The following LAT2 variants were observed in gnomAD, a reference collection of about 807,000 sequenced individuals.
LAT2 encodes linker for activation of T-cells family member 2.
Under a neutral mutation model 43.4 loss-of-function variants are expected in LAT2, and 23 were observed. The ratio of observed to expected loss-of-function variants is 0.53; its 90% CI spans 0.38 to 0.75. LAT2 has a LOEUF of 0.75. Ranked by LOEUF, LAT2 falls within the 30% of genes least tolerant of loss-of-function variation. LAT2 has a pLI of 0.00. For synonymous variants in LAT2, 128 were observed against 123.2 expected, an observed-to-expected ratio of 1.04 and a Z score of -0.26; for missense variants, 284 against 310.2, an observed-to-expected ratio of 0.92 and a Z score of 0.64.
chr7:74,217,638 C>T (rs1224189441), intron 4 of LAT2, among the ~76,000 whole-genome samples: 1 of 152,100 alleles, frequency 6.6e-6, no homozygotes, highest in Non-Finnish European at 1.5e-5. Context: ...GTGGGCAAGT[C>T]CCTCGGGGGA....
chr7:74,212,600 T>C (rs1415904209), intron 1 of LAT2, among the ~76,000 whole-genome samples: 1 of 152,138 alleles, frequency 6.6e-6, no homozygotes, highest in African/African-American at 2.4e-5. Flanking sequence ...ATGAGAAAAC[T>C]GAGGCGGGGG....
chr7:74,212,877 C>T (rs911497955), intron 1 of LAT2, among the ~76,000 whole-genome samples: 1 of 152,290 alleles, frequency 6.6e-6, no homozygotes, highest in South Asian at 2.1e-4. Context: ...TTCACTTGTT[C>T]CCACTGACTC....
intron 11 of LAT2, 26 bp from the exon 12 acceptor site, chr7:74,223,992 G>T: frequency 1.2e-6 from 2 of 1,608,068 alleles, no homozygotes; most frequent in East Asian, 4.5e-5. Flanking sequence ...ACTGAGCCAA[G>T]GGGGGCCTAT....
At chr7:74,214,377 A>AATATATATATATATATGAAC (rs372490464) in intron 1 of LAT2, among the ~76,000 whole-genome samples, 1 of 43,420 alleles carries the variant, frequency 2.3e-5, no homozygotes, top group Non-Finnish European at 4.0e-5. Context: ...TATATATGAA[A>AATATATATATATATATGAAC]ATATATATAT....
Position 74,220,847 on chromosome 7 carries a change from G to A in LAT2, c.332+113G>A. ...GCCTGCCACAGCCCTGGGCTTCCTG[G>A]TCCAGGAACCACCTCTTGCACTAGA... On this transcript the variant is annotated intron_variant, in intron 9 of 13. Transcript: ENST00000460943. The surrounding 1 kb of genome is among the most constrained non-coding windows in gnomAD (Gnocchi z 4.5). 1 of 924,364 alleles carries A rather than the reference G, an allele frequency of 1.1e-6. No homozygotes were observed. Among genetic ancestry groups the A allele is most frequent in the Non-Finnish European group, 1.6e-6 (1 of 628,544 alleles). The allele number at this position is 924,364 out of a possible 1,614,324, so 57.3% of individuals were successfully genotyped here.
Position 74,224,055 on chromosome 7 carries a change from G to A in LAT2, c.486G>A (p.Gly162=). ...AGGGCATAGGTGGCCTCTGCAGAGGGGACCTCAGCCTGTCACTGGCCCTGA... is the reference window on the plus strand; with the variant it reads ...AGGGCATAGGTGGCCTCTGCAGAGGAGACCTCAGCCTGTCACTGGCCCTGA... ...QQEGIGGLCR[G]DLSLSLALKT... is the part of the protein sequence containing the mutation. Residue 162 remains glycine, a synonymous_variant, in exon 12 of 14, where the codon GGG becomes GGA. Coordinates refer to ENST00000460943, the MANE Select transcript of LAT2 (RefSeq NM_032464.3). 1.2e-6 allele frequency: 2 copies of A among 1,614,130 alleles called. No individual in the cohort carries two copies. The highest frequency in any genetic ancestry group is 1.7e-6 in the Non-Finnish European group (2 of 1,180,000).
In LAT2 at chr7:74,214,031, CATATATATGTAT is replaced by C. The variant is rs1379793690; in HGVS notation, c.-218-782_-218-771del. On this transcript the variant is annotated intron_variant, in intron 1 of 13. Coordinates refer to ENST00000460943, the MANE Select transcript of LAT2 (RefSeq NM_032464.3). ...TAGCATGATCACAGCTCACTGCAGC[CATATATATGTAT>C]ATATATATATATATGAAAAAATATA... Among the ~76,000 whole-genome samples the C allele has an allele frequency of 3.6e-4, 45 of 124,894 alleles. No homozygotes were observed. In the East Asian group the frequency reaches 9.0e-3, roughly 25 times the overall value. 81.9% of individuals were successfully genotyped at this position (124,894 alleles called of 152,430 possible). A position where few individuals can be genotyped will look rare whatever the true frequency, so the allele number is the denominator to read the frequency against.
rs1554713938 is a variant in LAT2 at position 74,214,708 on chromosome 7, T to TGA, written c.-218-114_-218-113insGA. On this transcript the variant is annotated intron_variant, in intron 1 of 13. Coordinates refer to ENST00000460943, the MANE Select transcript of LAT2 (RefSeq NM_032464.3). ...TGAAAATAATATATATAAATATATA[T>TGA]AAATATATATAAAAATATAAATATA... 2.2e-4 allele frequency: 22 copies of TGA among 100,872 alleles called. 1 individual carries two copies. Among genetic ancestry groups the TGA allele is most frequent in the African/African-American group, 9.8e-4 (22 of 22,396 alleles). The allele number at this position is 100,872 out of a possible 1,614,324, so 6.2% of individuals were successfully genotyped here.
intron 13 of LAT2, among the ~76,000 whole-genome samples, chr7:74,228,595 C>A (rs573241866): frequency 6.8e-6 from 1 of 146,382 alleles, no homozygotes; most frequent in Non-Finnish European, 1.5e-5. Context: ...ACCATCCTGG[C>A]TAACATGGTG....
chr7:74,220,160 TG>T lies in LAT2; in HGVS notation c.228-51del. 6.4e-7 allele frequency: 1 copy of T among 1,567,664 alleles called. No homozygotes were observed. Among genetic ancestry groups the T allele is most frequent in the Non-Finnish European group, 8.7e-7 (1 of 1,149,718 alleles). Reference sequence around the variant, plus strand: ...ACAAGGGGTATGGGGGGATGTGTCCTGGGGGGCCTCTCCCCTACAGCCCCTC... The same window carrying T: ...ACAAGGGGTATGGGGGGATGTGTCCTGGGGGCCTCTCCCCTACAGCCCCTC... On this transcript the variant is annotated intron_variant, in intron 6 of 13. Coordinates refer to ENST00000460943, the MANE Select transcript of LAT2 (RefSeq NM_032464.3). The surrounding 1 kb of genome is among the most constrained non-coding windows in gnomAD (Gnocchi z 4.5).
intron 9 of LAT2, 82 bp from the exon 10 acceptor site, chr7:74,221,555 G>A (rs1285093212): frequency 9.3e-7 from 1 of 1,071,408 alleles, no homozygotes; most frequent in Non-Finnish European, 1.4e-6. Context: ...GAGCAGCCCT[G>A]GCCTCACCGC....
Position 74,220,200 on chromosome 7 carries a change from C to A in LAT2, c.228-17C>A. The A allele has an allele frequency of 6.2e-7, 1 of 1,601,130 alleles. No individual in the cohort carries two copies. Among genetic ancestry groups the A allele is most frequent in the Non-Finnish European group, 8.5e-7 (1 of 1,172,874 alleles). On this transcript the variant is annotated splice_polypyrimidine_tract_variant and intron_variant, in intron 6 of 13. Transcript: ENST00000460943. The surrounding 1 kb of genome is among the most constrained non-coding windows in gnomAD (Gnocchi z 4.5). Reference sequence around the variant, plus strand: ...CTACAGCCCCTCCTTTAACTCCCTCCTTCCCCCTCCCTGCAGGAAGGACAA... The same window carrying A: ...CTACAGCCCCTCCTTTAACTCCCTCATTCCCCCTCCCTGCAGGAAGGACAA...
intron 1 of LAT2, among the ~76,000 whole-genome samples, chr7:74,213,628 T>C (rs532267546): frequency 3.3e-5 from 5 of 151,994 alleles, no homozygotes; most frequent in Admixed American, 6.6e-5. Flanking sequence ...TTTCACCATG[T>C]TGGTCAGGCT....
chr7:74,214,673 A>AAAAT (rs1801947858), intron 1 of LAT2, 149 bp from the exon 2 acceptor site: 1 of 85,330 alleles, frequency 1.2e-5, no homozygotes, highest in African/African-American at 5.4e-5. Flanking sequence ...TATATATATA[A>AAAAT]ATATATATAT....
At position 74,224,019 on chromosome 7, in the gene LAT2, T is replaced by C. The variant is rs969464548; in HGVS notation, c.450T>C (p.Gly150=). Residue 150 remains glycine, a splice_region_variant and synonymous_variant, in exon 12 of 14, where the codon GGT becomes GGC. Transcript: ENST00000460943. ...GGGGCCTATTCTCCCTCTCTGCAGG[T>C]GCCCAGCAGGAGGGCATAGGTGGCC... ...LICKQKTTET[G]AQQEGIGGLC... is the part of the protein sequence containing the mutation. 6.2e-7 allele frequency: 1 copy of C among 1,613,344 alleles called. No homozygotes were observed. The highest frequency in any genetic ancestry group is 1.3e-5 in the African/African-American group (1 of 74,908).
intron 1 of LAT2, among the ~76,000 whole-genome samples, chr7:74,212,651 T>C (rs779441448): frequency 9.9e-5 from 15 of 152,246 alleles, no homozygotes; most frequent in Non-Finnish European, 1.2e-4. Flanking sequence ...TGAGCCCTCC[T>C]GCAAGACAAG....
At chr7:74,222,930 T>C (rs782010265) in intron 10 of LAT2, among the ~76,000 whole-genome samples, 1 of 152,160 alleles carries the variant, frequency 6.6e-6, no homozygotes, top group Non-Finnish European at 1.5e-5. Context: ...GGGTGGGGCA[T>C]CAGTCAGAGC....
intron 4 of LAT2, among the ~76,000 whole-genome samples, chr7:74,218,468 G>A (rs933071637): frequency 6.6e-6 from 1 of 152,138 alleles, no homozygotes; most frequent in Non-Finnish European, 1.5e-5. Context: ...ATTTTCAAGA[G>A]CACCTCATGG....
At chr7:74,219,661 C>T in intron 4 of LAT2, 83 bp from the exon 5 acceptor site, 1 of 1,543,670 alleles carries the variant, frequency 6.5e-7, no homozygotes, top group Non-Finnish European at 8.9e-7. Flanking sequence ...CCTCCTCATC[C>T]CTGCCTGTCC....
Sources: gnomAD v4.1 joint callset for allele counts (sites outside exome capture counted in the v4.1 genomes callset) on GRCh38, gnomAD v4.1.1 for gene constraint, Gnocchi (gnomAD v3.1) non-coding constraint, MANE v1.5 for transcripts, NCBI Gene and HGNC (gene_info 2026-07-23, HGNC 2026-07-21) for gene names.